NTM: variants seen among roughly 807,000 people sequenced by gnomAD.
NTM encodes the protein neurotrimin.
NTM carries 13 observed loss-of-function variants against 42.1 expected under a neutral mutation model. That is an observed-to-expected ratio of 0.31 (90% CI 0.20 to 0.49). NTM has a LOEUF of 0.49. NTM is among the 20% of genes least tolerant of loss of function. NTM has a pLI of 0.99. For missense variants in NTM, 373 were observed against 452.8 expected (o/e 0.82, Z 1.60); for synonymous variants, 187 against 179.2 (o/e 1.04, Z -0.35).
intron 2 of NTM, among the ~76,000 whole-genome samples, chr11:131,931,956 C>T (rs1042420151): frequency 4.6e-5 from 7 of 152,232 alleles, no homozygotes; most frequent in Admixed American, 4.6e-4. Context: ...GCGTGGCCTT[C>T]ACGAGTCTTT....
chr11:132,195,790 A>G (rs2080114740), intron 3 of NTM, among the ~76,000 whole-genome samples: 2 of 152,206 alleles, frequency 1.3e-5, no homozygotes, highest in African/African-American at 4.8e-5. Context: ...CTTTTACCAT[A>G]TACAAAATTT....
At chr11:132,031,252 C>T (rs1270726041) in intron 2 of NTM, among the ~76,000 whole-genome samples, 1 of 152,044 alleles carries the variant, frequency 6.6e-6, no homozygotes, top group Non-Finnish European at 1.5e-5. Context: ...ACATCTTTAA[C>T]TTTTACTCTT....
chr11:132,057,637 C>A (rs946830534), intron 2 of NTM, among the ~76,000 whole-genome samples: 4 of 152,164 alleles, frequency 2.6e-5, no homozygotes, highest in Non-Finnish European at 5.9e-5. Context: ...TGAATCCTGT[C>A]TTCTCCTTCA....
At chr11:132,050,521 A>G (rs942406789) in intron 2 of NTM, among the ~76,000 whole-genome samples, 4 of 152,154 alleles carry the variant, frequency 2.6e-5, no homozygotes, top group African/African-American at 7.2e-5. Context: ...GCCTTCACAG[A>G]TCTTACCATG....
intron 1 of NTM, among the ~76,000 whole-genome samples, chr11:131,832,208 G>T: frequency 6.7e-6 from 1 of 149,766 alleles, no homozygotes; most frequent in Non-Finnish European, 1.5e-5. Context: ...AAAAAACAGA[G>T]TTCATATGTA....
intron 2 of NTM, among the ~76,000 whole-genome samples, chr11:131,967,306 A>G (rs964599346): frequency 3.3e-5 from 5 of 152,202 alleles, no homozygotes; most frequent in African/African-American, 7.2e-5. Context: ...GGTGGTCTCA[A>G]ATGCCATACC....
chr11:131,744,273 C>T (rs933240628), intron 1 of NTM, among the ~76,000 whole-genome samples: 9 of 152,204 alleles, frequency 5.9e-5, no homozygotes, highest in African/African-American at 9.6e-5. Context: ...TGCAATTTAA[C>T]ATCTAAAGGG....
At chr11:131,794,473 C>A (rs756978226) in intron 1 of NTM, 7 of 985,238 alleles carry the variant, frequency 7.1e-6, no homozygotes, top group Non-Finnish European at 8.4e-6. Context: ...TCCTCCCCAC[C>A]CGCCGTTTAC....
rs141797188 is a variant in NTM, at chr11:131,643,019, A to G, written c.83-268545A>G. Among the ~76,000 whole-genome samples, 414 of 150,620 alleles carry G rather than the reference A, an allele frequency of 2.7e-3. 2 individuals are homozygous for G. The highest frequency in any genetic ancestry group is 9.2e-3 in the African/African-American group (376 of 40,660). On this transcript the variant is annotated intron_variant, in intron 1 of 8. Coordinates refer to ENST00000683400, the MANE Select transcript of NTM (RefSeq NM_001352005.2). ...AATTTTACTTCTGCTCAGAATTAATATTTTACATTCTACACTTAAAGGAAA... is the reference window on the plus strand; with the variant it reads ...AATTTTACTTCTGCTCAGAATTAATGTTTTACATTCTACACTTAAAGGAAA...
At chr11:132,331,100 G>A (rs1255994105) in intron 8 of NTM, among the ~76,000 whole-genome samples, 1 of 152,312 alleles carries the variant, frequency 6.6e-6, no homozygotes, top group South Asian at 2.1e-4. Context: ...GGTGGAGCAG[G>A]CCATGCAGCC....
intron 2 of NTM, among the ~76,000 whole-genome samples, chr11:132,031,160 G>A (rs539012157): frequency 1.8e-4 from 28 of 152,296 alleles, no homozygotes; most frequent in South Asian, 8.3e-4. Flanking sequence ...AACAGTAGGA[G>A]GGGAAAAGAT....
chr11:131,499,537 A>T (rs1332879543), intron 1 of NTM, among the ~76,000 whole-genome samples: 3 of 152,226 alleles, frequency 2.0e-5, no homozygotes, highest in Non-Finnish European at 4.4e-5. Context: ...ACCATGACGA[A>T]GGTGCTTGTA....
chr11:131,762,137 A>G (rs2084313043), intron 1 of NTM, among the ~76,000 whole-genome samples: 2 of 152,358 alleles, frequency 1.3e-5, no homozygotes, highest in South Asian at 4.1e-4. Context: ...TTCATTTGTT[A>G]TCAAAGCCCC....
intron 2 of NTM, among the ~76,000 whole-genome samples, chr11:132,052,468 C>T (rs984083909): frequency 6.6e-6 from 1 of 152,094 alleles, no homozygotes; most frequent in Non-Finnish European, 1.5e-5. Context: ...GTCAACAGCC[C>T]CCAGCTCTGC....
intron 2 of NTM, among the ~76,000 whole-genome samples, chr11:132,022,711 A>G (rs747950957): frequency 5.9e-5 from 9 of 152,230 alleles, no homozygotes; most frequent in Non-Finnish European, 1.3e-4. Flanking sequence ...AGACAGCTTT[A>G]TCCCTGAAGT....
intron 1 of NTM, among the ~76,000 whole-genome samples, chr11:131,621,617 T>C (rs979012616): frequency 1.8e-5 from 2 of 113,784 alleles, no homozygotes; most frequent in Non-Finnish European, 3.4e-5. Flanking sequence ...CTGGGCAACA[T>C]AGTAACACCC....
At chr11:131,609,665 C>G (rs567038671) in intron 1 of NTM, among the ~76,000 whole-genome samples, 1 of 152,298 alleles carries the variant, frequency 6.6e-6, no homozygotes, top group South Asian at 2.1e-4. Context: ...GTAACAATGC[C>G]AAGCCCTGGG....
At chr11:131,856,854 G>T (rs2046152511) in intron 1 of NTM, among the ~76,000 whole-genome samples, 1 of 152,150 alleles carries the variant, frequency 6.6e-6, no homozygotes, top group African/African-American at 2.4e-5. Context: ...AGGACGTTAA[G>T]GCCCATCCAG....
intron 4 of NTM, among the ~76,000 whole-genome samples, chr11:132,268,168 C>T (rs1047145828): frequency 1.3e-5 from 2 of 152,110 alleles, no homozygotes; most frequent in African/African-American, 4.8e-5. Flanking sequence ...TTATGTAAAA[C>T]TTTCTCCTTA....
Sources: allele counts gnomAD v4.1 joint callset (sites outside exome capture counted in the v4.1 genomes callset), GRCh38; gene constraint gnomAD v4.1.1; transcripts MANE v1.5; gene names NCBI Gene and HGNC (gene_info 2026-07-23, HGNC 2026-07-21).